DPP4: variants seen among roughly 807,000 people sequenced by gnomAD.
The protein encoded by DPP4 is dipeptidyl peptidase 4.
In DPP4, 93 loss-of-function variants were observed where a neutral mutation model predicts 122.4. The ratio of observed to expected loss-of-function variants is 0.76; its 90% CI spans 0.64 to 0.90. The LOEUF (loss-of-function observed/expected upper bound fraction) is 0.90, where lower values mean the gene tolerates loss of function less well. Ranked by LOEUF, DPP4 falls within the 40% of genes least tolerant of loss-of-function variation. DPP4 has a pLI of 0.00. For synonymous variants in DPP4, 321 were observed against 302.9 expected (o/e 1.06, Z -0.62); for missense variants, 914 against 907.3 (o/e 1.01, Z -0.09).
chr2:162,030,788 A>G (rs186343885), intron 10 of DPP4, among the ~76,000 whole-genome samples: 1 of 152,306 alleles, frequency 6.6e-6, no homozygotes, highest in Admixed American at 6.5e-5. Context: ...TAAACTCCCT[A>G]AAAAACACAT....
At chr2:161,997,229 C>T (rs1008831812) in intron 23 of DPP4, among the ~76,000 whole-genome samples, 2 of 152,190 alleles carry the variant, frequency 1.3e-5, no homozygotes, top group Non-Finnish European at 2.9e-5. Context: ...AGAATAAAAA[C>T]CTGAGTGAGA....
chr2:162,052,780 C>T (rs1445837029), intron 2 of DPP4, among the ~76,000 whole-genome samples: 1 of 152,164 alleles, frequency 6.6e-6, no homozygotes, highest in Non-Finnish European at 1.5e-5. Context: ...GATAGAACCT[C>T]GGTCTTCTCA....
At chr2:162,039,278 G>A (rs1683904492) in intron 5 of DPP4, 94 bp from the exon 6 acceptor site, 2 of 1,040,542 alleles carry the variant, frequency 1.9e-6, no homozygotes, top group Admixed American at 2.1e-5. Flanking sequence ...GGTAATATAT[G>A]ATTGTATAAT....
In DPP4 at chr2:162,020,115, C is replaced by T. The variant is rs1165277418; in HGVS notation, c.1244+114G>A. 1.3e-5 allele frequency: 11 copies of T among 864,198 alleles called. No individual in the cohort carries two copies. The Admixed American group carries it at 2.7e-4, about 21-fold the overall frequency. 53.5% of individuals were successfully genotyped at this position (864,198 alleles called of 1,614,324 possible). On this transcript the variant is annotated intron_variant, in intron 14 of 25. Transcript: ENST00000360534. ...TGTTAAAAAGAAAAAAAGTATTGAA[C>T]ACATTCCAAAAAGACTACTCTTTAT...
intron 2 of DPP4, among the ~76,000 whole-genome samples, chr2:162,049,595 C>G (rs964819127): frequency 2.6e-5 from 4 of 151,940 alleles, no homozygotes; most frequent in Non-Finnish European, 5.9e-5. Context: ...ACATGTTTAC[C>G]TATATAACAA....
At position 162,047,422 on chromosome 2, in the gene DPP4, G is replaced by GTA. The variant is rs1172206010; in HGVS notation, c.172_173dup (p.Ser59ThrfsTer3). On this transcript the variant is annotated frameshift_variant, in exon 3 of 26. Coordinates refer to ENST00000360534, the MANE Select transcript of DPP4 (RefSeq NM_001935.4). LOFTEE classifies it high-confidence loss of function. ...TCTTACCTGAAATCCATCTTAAGGA[G>GTA]TATAACTTCAGTCTATAAGTATTTT... The GTA allele has an allele frequency of 1.3e-6, 2 of 1,572,572 alleles. No individual in the cohort carries two copies. Among genetic ancestry groups the GTA allele is most frequent in the South Asian group, 2.4e-5 (2 of 84,970 alleles).
At chr2:162,033,243 G>T (rs1262131151) in intron 10 of DPP4, among the ~76,000 whole-genome samples, 2 of 152,028 alleles carry the variant, frequency 1.3e-5, no homozygotes, top group African/African-American at 2.4e-5. Context: ...ATTGCTACCT[G>T]GCATATTACA....
rs1195938070 is a variant in DPP4 at position 162,061,072 on chromosome 2, C to T, written c.94+12327G>A. The stretch of plus-strand genomic sequence containing the variant: ...TTTTTACTTGAAACAGGGTCTCACT[C>T]TGTCACCCAGGCTAGAGTGCAATGG... On this transcript the variant is annotated intron_variant, in intron 2 of 25. Transcript: ENST00000360534. Among the ~76,000 whole-genome samples the T allele has an allele frequency of 2.7e-5, 4 of 145,772 alleles. No homozygotes were observed. In the Admixed American group the frequency reaches 2.8e-4, roughly 10 times the overall value.
intron 19 of DPP4, among the ~76,000 whole-genome samples, chr2:162,013,980 G>A (rs536050165): frequency 5.3e-5 from 8 of 152,210 alleles, no homozygotes; most frequent in Non-Finnish European, 8.8e-5. Flanking sequence ...GAAAATAGCC[G>A]GCAGTAATAT....
intron 8 of DPP4, among the ~76,000 whole-genome samples, chr2:162,037,263 G>C (rs1406765642): frequency 2.0e-5 from 3 of 152,190 alleles, no homozygotes; most frequent in Non-Finnish European, 2.9e-5. Flanking sequence ...AGGGCCAGCT[G>C]TTTCTGAGAG....
intron 19 of DPP4, among the ~76,000 whole-genome samples, chr2:162,012,212 G>T (rs927812044): frequency 6.6e-6 from 1 of 152,072 alleles, no homozygotes; most frequent in Non-Finnish European, 1.5e-5. Flanking sequence ...TTTGAAGATA[G>T]TTATCAAACA....
chr2:162,049,686 G>A (rs1021336515), intron 2 of DPP4, among the ~76,000 whole-genome samples: 1 of 152,058 alleles, frequency 6.6e-6, no homozygotes, highest in Non-Finnish European at 1.5e-5. Context: ...CTTCTGAGGT[G>A]GGCCATTCCC....
chr2:162,000,956 C>T lies in DPP4; in HGVS notation c.2052+4789G>A, dbSNP rs531162614. Among the ~76,000 whole-genome samples the T allele has an allele frequency of 9.2e-5, 14 of 152,258 alleles. 1 individual carries two copies. The South Asian group carries it at 1.7e-3, about 18-fold the overall frequency. ...CTTCTTCTGTTATCCCTCAGTTCAT[C>T]GGACCTGCTTCACACATCGCCAGAA... is the stretch of plus-strand genomic sequence containing the variant. On this transcript the variant is annotated intron_variant, in intron 23 of 25. Coordinates refer to ENST00000360534, the MANE Select transcript of DPP4 (RefSeq NM_001935.4).
At chr2:162,035,111 A>G in intron 9 of DPP4, 53 bp downstream of exon 9, 1 of 1,535,334 alleles carries the variant, frequency 6.5e-7, no homozygotes, top group Non-Finnish European at 8.8e-7. Context: ...ATTAAATGAA[A>G]CCATTCTCTT....
Position 162,005,759 on chromosome 2 carries a change from G to A in DPP4, c.2038C>T (p.Leu680Phe), listed in dbSNP as rs200487335. ...TCATCTCTTACTCTGTAATGGTCAA[G>A]GTTGTCTTCTGGAGTTGGGAGACCC... ...YMGLPTPEDN[L>F]DHYRNSTVMS... Residue 680 changes from leucine to phenylalanine, a missense_variant, in exon 23 of 26, where the codon CTT (leucine) becomes TTT (phenylalanine). Coordinates refer to ENST00000360534, the MANE Select transcript of DPP4 (RefSeq NM_001935.4). 1.2e-6 allele frequency: 2 copies of A among 1,612,860 alleles called. No individual in the cohort carries two copies. Among genetic ancestry groups the A allele is most frequent in the African/African-American group, 2.7e-5 (2 of 74,848 alleles).
chr2:162,052,492 C>T (rs1684418648), intron 2 of DPP4, among the ~76,000 whole-genome samples: 1 of 152,122 alleles, frequency 6.6e-6, no homozygotes, highest in Admixed American at 6.5e-5. Flanking sequence ...TCTGGCACTT[C>T]TCAGCCTCCA....
At chr2:162,059,810 A>T (rs1318280964) in intron 2 of DPP4, among the ~76,000 whole-genome samples, 1 of 152,232 alleles carries the variant, frequency 6.6e-6, no homozygotes, top group African/African-American at 2.4e-5. Context: ...GTATGGGGCA[A>T]AAATTACTAT....
intron 18 of DPP4, among the ~76,000 whole-genome samples, chr2:162,015,134 GA>G (rs1238248055): frequency 6.6e-6 from 1 of 152,088 alleles, no homozygotes; most frequent in Non-Finnish European, 1.5e-5. Context: ...CCAAATAAAA[GA>G]TGAGTTATAC....
At chr2:161,994,018 TA>T (rs1465380053) in intron 25 of DPP4, among the ~76,000 whole-genome samples, 2 of 152,182 alleles carry the variant, frequency 1.3e-5, no homozygotes, top group East Asian at 3.8e-4. Flanking sequence ...GACATTTATG[TA>T]AAAGGAATTA....
Sources: allele counts gnomAD v4.1 joint callset (sites outside exome capture counted in the v4.1 genomes callset), GRCh38; gene constraint gnomAD v4.1.1; transcripts MANE v1.5; gene names NCBI Gene and HGNC (gene_info 2026-07-23, HGNC 2026-07-21).